MITF: variants seen among roughly 807,000 people sequenced by gnomAD.
The protein encoded by MITF is melanocyte inducing transcription factor.
A neutral mutation model predicts 60.5 loss-of-function variants in MITF; 17 were observed. The ratio of observed to expected loss-of-function variants is 0.28; its 90% CI spans 0.19 to 0.42. The LOEUF (loss-of-function observed/expected upper bound fraction) is 0.42. MITF is among the 10% of genes least tolerant of loss of function. MITF has a pLI of 1.00. For missense variants in MITF, 622 were observed against 683.5 expected (o/e 0.91, Z 1.00); for synonymous variants, 260 against 248.5 (o/e 1.05, Z -0.43).
intron 1 of MITF, among the ~76,000 whole-genome samples, chr3:69,791,709 C>A (rs2062743198): frequency 6.6e-6 from 1 of 152,076 alleles, no homozygotes; most frequent in Non-Finnish European, 1.5e-5. Flanking sequence ...CATCTAATGG[C>A]AAGTAGAGGC....
At chr3:69,880,945 A>G (rs11920509) in intron 2 of MITF, among the ~76,000 whole-genome samples, 3,750 of 152,148 alleles carry the variant, frequency 0.025, 144 homozygotes, top group African/African-American at 0.083. Flanking sequence ...ATTAAAATCA[A>G]TATTCCTGTT....
intron 1 of MITF, among the ~76,000 whole-genome samples, chr3:69,742,398 C>T (rs548820460): frequency 9.2e-5 from 14 of 152,232 alleles, no homozygotes; most frequent in African/African-American, 2.9e-4. Context: ...CTGTGTTAAA[C>T]CTCAAGTCAG....
intron 2 of MITF, among the ~76,000 whole-genome samples, chr3:69,904,328 G>A (rs1012839350): frequency 6.6e-6 from 1 of 152,178 alleles, no homozygotes; most frequent in African/African-American, 2.4e-5. Flanking sequence ...ACTGAAGACT[G>A]AGAGAACTGA....
chr3:69,855,260 C>CAAAA (rs33962275), intron 1 of MITF, among the ~76,000 whole-genome samples: 5 of 84,604 alleles, frequency 5.9e-5, no homozygotes, highest in Admixed American at 1.3e-4. Context: ...TTCCCATAAG[C>CAAAA]AAAAAAAAAA....
intron 1 of MITF, among the ~76,000 whole-genome samples, chr3:69,748,895 G>A (rs1703826611): frequency 1.3e-5 from 2 of 152,222 alleles, no homozygotes; most frequent in South Asian, 4.1e-4. Flanking sequence ...ACTTGAGGCA[G>A]AGAGGTTTCA....
At chr3:69,795,594 TG>T (rs1365560853) in intron 1 of MITF, among the ~76,000 whole-genome samples, 1 of 151,962 alleles carries the variant, frequency 6.6e-6, no homozygotes, top group East Asian at 1.9e-4. Context: ...AGCATGGTGG[TG>T]TGTACCTGTG....
intron 1 of MITF, among the ~76,000 whole-genome samples, chr3:69,837,790 T>A (rs1293584448): frequency 6.6e-6 from 1 of 152,206 alleles, no homozygotes; most frequent in East Asian, 1.9e-4. Context: ...GAAATATTAA[T>A]GTACTTGATT....
chr3:69,781,554 C>A (rs1185043052), intron 1 of MITF, among the ~76,000 whole-genome samples: 1 of 152,040 alleles, frequency 6.6e-6, no homozygotes, highest in Admixed American at 6.6e-5. Flanking sequence ...TGAAGTCATC[C>A]CTGCTTAGAT....
At chr3:69,947,896 G>T (rs1243270018) in intron 5 of MITF, among the ~76,000 whole-genome samples, 1 of 152,102 alleles carries the variant, frequency 6.6e-6, no homozygotes, top group Non-Finnish European at 1.5e-5. Context: ...CTTGTATTTT[G>T]TGGTATATTT....
chr3:69,800,093 C>T (rs2062893803), intron 1 of MITF, among the ~76,000 whole-genome samples: 1 of 152,144 alleles, frequency 6.6e-6, no homozygotes, highest in Non-Finnish European at 1.5e-5. Flanking sequence ...AAGCTTCGTA[C>T]CTATTAGCAG....
At chr3:69,784,330 C>T (rs979693138) in intron 1 of MITF, among the ~76,000 whole-genome samples, 1 of 152,124 alleles carries the variant, frequency 6.6e-6, no homozygotes, top group African/African-American at 2.4e-5. Flanking sequence ...AATACTCCTC[C>T]TTACTATAAA....
intron 1 of MITF, among the ~76,000 whole-genome samples, chr3:69,813,500 C>T (rs2063133184): frequency 6.6e-6 from 1 of 152,126 alleles, no homozygotes; most frequent in African/African-American, 2.4e-5. Flanking sequence ...GGCCAACTTT[C>T]CTTGCATTCC....
rs1559760424 is a variant in MITF, at chr3:69,967,795, T to A, written c.*2547T>A. On this transcript the variant is annotated 3_prime_UTR_variant, in exon 10 of 10. Transcript: ENST00000352241. Reference sequence around the variant, plus strand: ...AAGAGGCAGTGGTTTGGGCTTGTTGTTTGTAACAAGAAAATGATCCACACC... The same window carrying A: ...AAGAGGCAGTGGTTTGGGCTTGTTGATTGTAACAAGAAAATGATCCACACC... 4.3e-6 allele frequency: 1 copy of A among 232,882 alleles called. No homozygotes were observed. The allele number at this position is 232,882 out of a possible 1,614,324, so 14.4% of individuals were successfully genotyped here.
intron 1 of MITF, among the ~76,000 whole-genome samples, chr3:69,766,501 A>G (rs767661503): frequency 8.1e-5 from 12 of 148,940 alleles, no homozygotes; most frequent in Non-Finnish European, 1.8e-4. Context: ...TGTTGGGATT[A>G]CAGGCGTGAG....
At chr3:69,869,260 G>A (rs1036458718) in intron 1 of MITF, among the ~76,000 whole-genome samples, 3 of 152,146 alleles carry the variant, frequency 2.0e-5, no homozygotes, top group Non-Finnish European at 2.9e-5. Flanking sequence ...CTGCCCTCCT[G>A]GAGCAGATTG....
intron 1 of MITF, chr3:69,762,730 C>G (rs1433958328): frequency 4.5e-6 from 1 of 221,912 alleles, no homozygotes; most frequent in East Asian, 6.5e-5. Flanking sequence ...AGTCATCTCC[C>G]TACAGCAGAA....
intron 2 of MITF, among the ~76,000 whole-genome samples, chr3:69,926,362 G>A (rs1416997615): frequency 2.6e-5 from 4 of 152,186 alleles, no homozygotes; most frequent in Admixed American, 6.5e-5. Context: ...CTTCAAACCA[G>A]TAGCATTCAG....
chr3:69,833,169 T>G (rs181517192), intron 1 of MITF, among the ~76,000 whole-genome samples: 246 of 151,368 alleles, frequency 1.6e-3, no homozygotes, highest in African/African-American at 5.6e-3. Flanking sequence ...ATGTGGTTAT[T>G]TTTCTATTTA....
intron 1 of MITF, among the ~76,000 whole-genome samples, chr3:69,846,569 C>T (rs2063736739): frequency 1.3e-5 from 2 of 152,136 alleles, no homozygotes; most frequent in East Asian, 1.9e-4. Context: ...AATCCCAGCA[C>T]TTTGGGAGGC....
Sources: gnomAD v4.1 joint callset for allele counts (sites outside exome capture counted in the v4.1 genomes callset) on GRCh38, gnomAD v4.1.1 for gene constraint, MANE v1.5 for transcripts, NCBI Gene and HGNC (gene_info 2026-07-23, HGNC 2026-07-21) for gene names.